RIPOR3: variants seen among roughly 807,000 people sequenced by gnomAD.
The protein encoded by RIPOR3 is family with sequence similarity 65 member C.
RIPOR3 carries 95 observed loss-of-function variants against 114.3 expected under a neutral mutation model. The ratio of observed to expected loss-of-function variants is 0.83; its 90% CI spans 0.70 to 0.99. The LOEUF (loss-of-function observed/expected upper bound fraction) is 0.99, where lower values mean the gene tolerates loss of function less well. Among genes scored for constraint, RIPOR3 ranks in the 50% least tolerant of loss-of-function variants. The pLI is 0.00. For missense variants in RIPOR3, 1,252 were observed against 1,266.9 expected (o/e 0.99, Z 0.18); for synonymous variants, 575 against 543.8 (o/e 1.06, Z -0.80).
rs141033220 is a variant in RIPOR3 at position 50,630,793 on chromosome 20, C to T, written c.67G>A (p.Val23Met). The T allele has an allele frequency of 7.7e-4, 1,238 of 1,612,010 alleles. No individual in the cohort carries two copies. The highest frequency in any genetic ancestry group is 1.0e-3 in the Non-Finnish European group (1,174 of 1,179,540). Residue 23 changes from valine (V) to methionine (M), a missense_variant, in exon 2 of 22, where the codon GTG (valine) becomes ATG (methionine). Transcript: ENST00000327979. ...CCTGCGAAGGAGGCGCTCCGGCCCA[C>T]GACCCCCACGGCCCCTGTGTCCCCA... ...SPGDTGAVGV[V>M]GRSASFAGFS... is the part of the protein sequence containing the mutation.
At chr20:50,670,106 G>A (rs1428042358) in intron 1 of RIPOR3, among the ~76,000 whole-genome samples, 1 of 145,840 alleles carries the variant, frequency 6.9e-6, no homozygotes, top group Non-Finnish European at 1.5e-5. Context: ...GCAGTGAGCT[G>A]AGATCGCACC....
chr20:50,681,171 GC>G (rs1206252496), intron 1 of RIPOR3, among the ~76,000 whole-genome samples: 1 of 131,300 alleles, frequency 7.6e-6, no homozygotes, highest in African/African-American at 2.9e-5. Context: ...GCTGCAGTGA[GC>G]CAAGATTGCA....
At chr20:50,641,212 A>T (rs2085181220) in intron 1 of RIPOR3, among the ~76,000 whole-genome samples, 1 of 149,650 alleles carries the variant, frequency 6.7e-6, no homozygotes, top group Middle Eastern at 3.5e-3. Flanking sequence ...CGTCCGGCTC[A>T]CTTCTTTTTT....
chr20:50,689,819 A>T (rs922731849), intron 1 of RIPOR3, among the ~76,000 whole-genome samples: 1 of 152,178 alleles, frequency 6.6e-6, no homozygotes, highest in Non-Finnish European at 1.5e-5. Flanking sequence ...GTTCACAGCC[A>T]GTCCCTGAAA....
rs754946187 is a variant in RIPOR3, at chr20:50,587,192, A to T, written c.*40T>A. On this transcript the variant is annotated 3_prime_UTR_variant, in exon 22 of 22. Transcript: ENST00000327979. Reference sequence around the variant, plus strand: ...CTATGTCCAGGCTGGGCAGCAGCAAAAAAAACGATGTGAGATTTGTGCTCA... The same window carrying T: ...CTATGTCCAGGCTGGGCAGCAGCAATAAAAACGATGTGAGATTTGTGCTCA... The T allele has an allele frequency of 1.3e-6, 2 of 1,556,608 alleles. No homozygotes were observed. The highest frequency in any genetic ancestry group is 1.8e-6 in the Non-Finnish European group (2 of 1,128,518).
At position 50,586,683 on chromosome 20, in the gene RIPOR3, C is replaced by T. The variant is rs937420009; in HGVS notation, c.*549G>A. On this transcript the variant is annotated 3_prime_UTR_variant, in exon 22 of 22. Coordinates refer to ENST00000327979, the MANE Select transcript of RIPOR3 (RefSeq NM_001290268.2). ...GGCTGAGAGTGTGGTTGTAGAAACC[C>T]TGGCTTTGTGCCTTCCCACCTTCCC... 1 of 154,704 alleles carries T rather than the reference C, an allele frequency of 6.5e-6. No homozygotes were observed. Among genetic ancestry groups the T allele is most frequent in the African/African-American group, 2.4e-5 (1 of 41,486 alleles). The allele number at this position is 154,704 out of a possible 1,614,324, so 9.6% of individuals were successfully genotyped here.
At chr20:50,592,700 G>C (rs1024445173) in intron 18 of RIPOR3, among the ~76,000 whole-genome samples, 154 bp from the exon 19 acceptor site, 1 of 152,144 alleles carries the variant, frequency 6.6e-6, no homozygotes, top group African/African-American at 2.4e-5. Context: ...AATTTCACAG[G>C]GAGCTCCTGG....
chr20:50,608,568 C>A, intron 10 of RIPOR3, 34 bp from the exon 11 acceptor site: 1 of 1,613,636 alleles, frequency 6.2e-7, no homozygotes, highest in Non-Finnish European at 8.5e-7. Context: ...GTGTCTGAGC[C>A]GAACACCCAG....
At chr20:50,617,628 CTTTTTTTT>C (rs71190578) in intron 3 of RIPOR3, among the ~76,000 whole-genome samples, 163 of 110,456 alleles carry the variant, frequency 1.5e-3, no homozygotes, top group African/African-American at 6.2e-3. Flanking sequence ...GGTGGTTTCC[CTTTTTTTT>C]TTTTTTTTTT....
At chr20:50,661,538 CAG>C (rs1454424856) in intron 1 of RIPOR3, among the ~76,000 whole-genome samples, 1 of 152,176 alleles carries the variant, frequency 6.6e-6, no homozygotes, top group Non-Finnish European at 1.5e-5. Context: ...ACTTTCAAAA[CAG>C]TGTCCCTGCA....
rs376436057 is a variant in RIPOR3, at chr20:50,604,678, C to T, written c.1053G>A (p.Pro351=). ...RKGSLYNWTP[P]STPSFRERYY... ...ATCTCTCCCGGAAGCTGGGGGTGCT[C>T]GGGGGTGTCCAGTTGTACAAGGAGC... Residue 351 remains proline (P), a synonymous_variant, in exon 12 of 22, where the codon CCG becomes CCA. Coordinates refer to ENST00000327979, the MANE Select transcript of RIPOR3 (RefSeq NM_001290268.2). 26 of 1,608,906 alleles carry T rather than the reference C, an allele frequency of 1.6e-5. No homozygotes were observed. In the East Asian group the frequency reaches 2.5e-4, roughly 15 times the overall value.
Position 50,630,719 on chromosome 20 carries a change from G to T in RIPOR3, c.122+19C>A. 6.3e-7 allele frequency: 1 copy of T among 1,584,354 alleles called. No homozygotes were observed. Among genetic ancestry groups the T allele is most frequent in the Non-Finnish European group, 8.6e-7 (1 of 1,163,462 alleles). ...AGCCCCACCCCTGCACCCCGAAACA[G>T]GACACGGGGGGAACTTACGCGATCC... On this transcript the variant is annotated intron_variant, in intron 2 of 21. Coordinates refer to ENST00000327979, the MANE Select transcript of RIPOR3 (RefSeq NM_001290268.2).
intron 4 of RIPOR3, among the ~76,000 whole-genome samples, chr20:50,612,124 CAAAAAAAAAAA>C (rs542382125): frequency 1.1e-5 from 1 of 89,214 alleles, no homozygotes; most frequent in Non-Finnish European, 2.3e-5. Context: ...GACTCCATCT[CAAAAAAAAAAA>C]AAAAAGAAAA....
chr20:50,592,698 A>G, intron 18 of RIPOR3, 152 bp from the exon 19 acceptor site: 1 of 716,554 alleles, frequency 1.4e-6, no homozygotes, highest in Non-Finnish European at 2.1e-6. Context: ...CTAATTTCAC[A>G]GGGAGCTCCT....
intron 19 of RIPOR3, among the ~76,000 whole-genome samples, chr20:50,590,195 C>A (rs976300743): frequency 5.9e-5 from 9 of 152,218 alleles, no homozygotes; most frequent in African/African-American, 2.2e-4. Context: ...TTCCCCTCAG[C>A]CCTCCTGTCC....
At chr20:50,648,807 C>T (rs190986707) in intron 1 of RIPOR3, among the ~76,000 whole-genome samples, 101 of 152,176 alleles carry the variant, frequency 6.6e-4, no homozygotes, top group African/African-American at 2.1e-3. Context: ...GAGAATTGAA[C>T]GCCTCCACTG....
chr20:50,690,984 A>T (rs2087192799), intron 1 of RIPOR3, 142 bp downstream of exon 1: 7 of 1,091,938 alleles, frequency 6.4e-6, no homozygotes, highest in Non-Finnish European at 8.6e-6. Context: ...CTCAGCCTCA[A>T]CCCAGGTTCC....
intron 1 of RIPOR3, among the ~76,000 whole-genome samples, chr20:50,655,206 A>G (rs1239221471): frequency 1.3e-5 from 2 of 152,244 alleles, no homozygotes; most frequent in Admixed American, 6.5e-5. Context: ...GACTAAGAGA[A>G]TGGAGCCTTT....
intron 14 of RIPOR3, 120 bp downstream of exon 14, chr20:50,597,460 C>CA (rs890482224): frequency 3.9e-5 from 55 of 1,399,918 alleles, no homozygotes; most frequent in Admixed American, 3.4e-4. Context: ...GATAGAGTGA[C>CA]AAGAGCTGAG....
Sources: gnomAD v4.1 joint callset for allele counts (sites outside exome capture counted in the v4.1 genomes callset) on GRCh38, gnomAD v4.1.1 for gene constraint, MANE v1.5 for transcripts, NCBI Gene and HGNC (gene_info 2026-07-23, HGNC 2026-07-21) for gene names.